The following PLCB1 variants were observed in gnomAD, a reference collection of about 807,000 sequenced individuals.
The protein encoded by PLCB1 is phospholipase C beta 1.
In PLCB1, 46 loss-of-function variants were observed where a neutral mutation model predicts 161.8. The ratio of observed to expected loss-of-function variants is 0.28; its 90% CI spans 0.22 to 0.36. The LOEUF (loss-of-function observed/expected upper bound fraction) is 0.36. Among genes scored for constraint, PLCB1 ranks in the 10% least tolerant of loss-of-function variants. The pLI, the probability that PLCB1 is intolerant of heterozygous loss-of-function variation, is 1.00. For synonymous variants in PLCB1, 517 were observed against 503.7 expected, an observed-to-expected ratio of 1.03 and a Z score of -0.35; for missense variants, 1,016 against 1,472.5, an observed-to-expected ratio of 0.69 and a Z score of 5.07.
intron 2 of PLCB1, among the ~76,000 whole-genome samples, chr20:8,151,199 C>T (rs896816634): frequency 6.6e-6 from 1 of 152,122 alleles, no homozygotes; most frequent in East Asian, 1.9e-4. Context: ...TAAATACATA[C>T]TGAAAACAAT....
At chr20:8,859,418 A>T (rs1352164801) in intron 31 of PLCB1, among the ~76,000 whole-genome samples, 2 of 152,328 alleles carry the variant, frequency 1.3e-5, no homozygotes, top group South Asian at 4.1e-4. Context: ...GCAAATTCTC[A>T]TTCAGTAGAT....
intron 27 of PLCB1, among the ~76,000 whole-genome samples, chr20:8,783,748 A>G (rs6086594): frequency 0.64 from 97,847 of 152,070 alleles, 31,731 homozygotes; most frequent in East Asian, 0.84. Context: ...CTTCCCCTTG[A>G]TAGAAAATAC....
chr20:8,881,550 A>T, intron 31 of PLCB1, 72 bp from the exon 32 acceptor site: 1 of 1,100,578 alleles, frequency 9.1e-7, no homozygotes. Context: ...TATCTCTTTC[A>T]GAGAGTTTCT....
chr20:8,619,366 C>G (rs1472224082), intron 3 of PLCB1, among the ~76,000 whole-genome samples: 3 of 151,610 alleles, frequency 2.0e-5, no homozygotes, highest in African/African-American at 7.3e-5. Flanking sequence ...TTGCAGTGAG[C>G]CAAGATTGCA....
chr20:8,631,028 C>A (rs1034562432), intron 4 of PLCB1, among the ~76,000 whole-genome samples: 1 of 152,172 alleles, frequency 6.6e-6, no homozygotes, highest in African/African-American at 2.4e-5. Flanking sequence ...ATTTTGCCTT[C>A]CCTGGCTGTG....
At chr20:8,331,621 C>A (rs1985367782) in intron 2 of PLCB1, among the ~76,000 whole-genome samples, 1 of 152,144 alleles carries the variant, frequency 6.6e-6, no homozygotes, top group African/African-American at 2.4e-5. Context: ...CAAGGCACTT[C>A]ACTAAAAGAG....
chr20:8,863,863 A>AT (rs1306587212), intron 31 of PLCB1, among the ~76,000 whole-genome samples: 1 of 151,692 alleles, frequency 6.6e-6, no homozygotes, highest in Non-Finnish European at 1.5e-5. Flanking sequence ...ACTTATAATC[A>AT]TTTTTTTATT....
intron 23 of PLCB1, among the ~76,000 whole-genome samples, chr20:8,744,061 T>C (rs908134544): frequency 6.6e-6 from 1 of 152,146 alleles, no homozygotes; most frequent in African/African-American, 2.4e-5. Flanking sequence ...ACAGGACCTA[T>C]TAGGTACAAT....
At chr20:8,285,235 A>G (rs1014823070) in intron 2 of PLCB1, among the ~76,000 whole-genome samples, 1 of 148,688 alleles carries the variant, frequency 6.7e-6, no homozygotes, top group African/African-American at 2.4e-5. Context: ...TTTTGCTTTT[A>G]TATATATATA....
Position 8,365,219 on chromosome 20 carries a change from CTTG to C in PLCB1, c.178-6160_178-6158del, listed in dbSNP as rs1306069185. ...AGGCATGCATGAGCATCTGTAGCAA[CTTG>C]TTTAATGCTACATTGATAACAAGTG... On this transcript the variant is annotated intron_variant, in intron 2 of 31. Coordinates refer to ENST00000338037, the MANE Select transcript of PLCB1 (RefSeq NM_015192.4). 5.3e-5 allele frequency among the ~76,000 whole-genome samples: 8 copies of C among 152,310 alleles called. No individual in the cohort carries two copies. In the East Asian group the frequency reaches 1.5e-3, roughly 29 times the overall value.
chr20:8,750,873 C>T, intron 23 of PLCB1: 2 of 1,364,328 alleles, frequency 1.5e-6, no homozygotes, highest in Non-Finnish European at 9.8e-7. Context: ...GGCCTTACCT[C>T]TTACCCATGT....
At chr20:8,138,763 TA>T (rs1484944510) in intron 1 of PLCB1, among the ~76,000 whole-genome samples, 2 of 152,204 alleles carry the variant, frequency 1.3e-5, no homozygotes, top group African/African-American at 4.8e-5. Context: ...GAATAGATTA[TA>T]AAGGATGCTT....
chr20:8,866,957 A>G (rs1196073033), intron 31 of PLCB1, among the ~76,000 whole-genome samples: 5 of 152,224 alleles, frequency 3.3e-5, no homozygotes, highest in African/African-American at 1.2e-4. Context: ...AAGCATCAAA[A>G]TCAATTATCC....
intron 2 of PLCB1, among the ~76,000 whole-genome samples, chr20:8,271,034 C>G (rs149962738): frequency 1.8e-4 from 28 of 152,240 alleles, no homozygotes; most frequent in African/African-American, 6.7e-4. Context: ...TGTGCATAAA[C>G]TCAGGATAAA....
At chr20:8,312,478 A>G (rs1204129550) in intron 2 of PLCB1, among the ~76,000 whole-genome samples, 2 of 152,262 alleles carry the variant, frequency 1.3e-5, no homozygotes, top group East Asian at 1.9e-4. Flanking sequence ...GATTGCCTCT[A>G]AGAAGAAATT....
At chr20:8,225,657 G>T (rs1057361465) in intron 2 of PLCB1, among the ~76,000 whole-genome samples, 31 of 152,136 alleles carry the variant, frequency 2.0e-4, no homozygotes, top group African/African-American at 5.8e-4. Context: ...CTGCCAAGTG[G>T]CAGGCACAAT....
At chr20:8,671,683 C>G (rs1989947624) in intron 9 of PLCB1, among the ~76,000 whole-genome samples, 1 of 152,272 alleles carries the variant, frequency 6.6e-6, no homozygotes, top group African/African-American at 2.4e-5. Flanking sequence ...TTTTTAGGAC[C>G]AATGCAGAGT....
chr20:8,257,173 T>A (rs1245063107), intron 2 of PLCB1, among the ~76,000 whole-genome samples: 2 of 152,136 alleles, frequency 1.3e-5, no homozygotes, highest in South Asian at 4.1e-4. Flanking sequence ...TATATTTAGC[T>A]TAATACTTGG....
intron 2 of PLCB1, among the ~76,000 whole-genome samples, chr20:8,223,874 G>A (rs1211443793): frequency 6.6e-6 from 1 of 152,124 alleles, no homozygotes; most frequent in Non-Finnish European, 1.5e-5. Flanking sequence ...CACCCCTACA[G>A]TGCTTGCTTG....
Sources: gnomAD v4.1 joint callset for allele counts (sites outside exome capture counted in the v4.1 genomes callset) on GRCh38, gnomAD v4.1.1 for gene constraint, MANE v1.5 for transcripts, NCBI Gene and HGNC (gene_info 2026-07-23, HGNC 2026-07-21) for gene names.